Variants in CD99 observed in about 807,000 individuals in gnomAD.
The protein encoded by CD99 is CD99 antigen.
Under a neutral mutation model 28.4 loss-of-function variants are expected in CD99, and 19 were observed. The ratio of observed to expected loss-of-function variants is 0.67; its 90% confidence interval spans 0.47 to 0.98. The LOEUF is 0.98. Among genes scored for constraint, CD99 ranks in the 50% least tolerant of loss-of-function variants. CD99 has a pLI of 0.00. For missense variants in CD99, 283 were observed against 248.8 expected (o/e 1.14, Z -0.92); for synonymous variants, 103 against 92.1 (o/e 1.12, Z -0.67).
chrX:2,699,088 A>C (rs2047714423), intron 1 of CD99, among the ~76,000 whole-genome samples: 1 of 151,070 alleles, frequency 6.6e-6, no homozygotes, highest in Non-Finnish European at 1.5e-5. Context: ...CACCATACCC[A>C]GCTAATCTTT....
At chrX:2,698,091 C>T (rs1339741099) in intron 1 of CD99, among the ~76,000 whole-genome samples, 2 of 151,750 alleles carry the variant, frequency 1.3e-5, no homozygotes, top group Non-Finnish European at 2.9e-5. Flanking sequence ...CTATGGGAAG[C>T]GGTTTCTACT....
At chrX:2,711,412 T>TATATATA (rs780117907) in intron 1 of CD99, among the ~76,000 whole-genome samples, 3 of 86,368 alleles carry the variant, frequency 3.5e-5, no homozygotes, top group African/African-American at 1.5e-4. Context: ...TGTGTGTGTA[T>TATATATA]TATATATATA....
intron 8 of CD99, among the ~76,000 whole-genome samples, chrX:2,736,075 G>C (rs762564769): frequency 6.6e-6 from 1 of 151,766 alleles, no homozygotes; most frequent in East Asian, 1.9e-4. Context: ...GGTGGCGGGC[G>C]CCTGTAGTCC....
In CD99 at chrX:2,692,808, T is replaced by G. The variant is rs1366203261; in HGVS notation, c.67+1381T>G. 3.9e-5 allele frequency among the ~76,000 whole-genome samples: 6 copies of G among 152,246 alleles called. No individual in the cohort carries two copies. In the East Asian group the frequency reaches 9.6e-4, roughly 24 times the overall value. ...AATGCATTCCTTCATCCTTCATGCCTGCCTTCCTTCTTTTGCACCTACTGT... is the reference window on the plus strand; with the variant it reads ...AATGCATTCCTTCATCCTTCATGCCGGCCTTCCTTCTTTTGCACCTACTGT... On this transcript the variant is annotated intron_variant, in intron 1 of 9. Coordinates refer to ENST00000381192, the MANE Select transcript of CD99 (RefSeq NM_002414.5).
At chrX:2,736,043 A>G (rs903292816) in intron 8 of CD99, among the ~76,000 whole-genome samples, 4 of 151,944 alleles carry the variant, frequency 2.6e-5, no homozygotes, top group Non-Finnish European at 5.9e-5. Context: ...TCTACTAAAA[A>G]TACAAAAAAT....
At position 2,740,204 on chromosome X, in the gene CD99, T is replaced by C. The variant is rs189435192; in HGVS notation, c.533-575T>C. Among the ~76,000 whole-genome samples the C allele has an allele frequency of 6.6e-5, 10 of 152,288 alleles. No homozygotes were observed. The East Asian group carries it at 1.5e-3, about 24-fold the overall frequency. On this transcript the variant is annotated intron_variant, in intron 9 of 9. Coordinates refer to ENST00000381192, the MANE Select transcript of CD99 (RefSeq NM_002414.5). Reference sequence around the variant, plus strand: ...ATCTTAAAGAGAAAAGGAAGATTCCTTCTGCCCACTGCAATGAAGTTGTCT... The same window carrying C: ...ATCTTAAAGAGAAAAGGAAGATTCCCTCTGCCCACTGCAATGAAGTTGTCT...
chrX:2,733,479 G>T (rs1403625990), intron 8 of CD99: 1 of 1,216,314 alleles, frequency 8.2e-7, no homozygotes, highest in African/African-American at 1.5e-5. Context: ...CGCTCCCCTC[G>T]CCCTGCTGGC....
intron 4 of CD99, 81 bp downstream of exon 4, chrX:2,719,786 C>T (rs2048908897): frequency 7.0e-7 from 1 of 1,435,556 alleles, no homozygotes; most frequent in East Asian, 2.3e-5. Flanking sequence ...AGAATTCTCC[C>T]ATTTAAATTA....
intron 1 of CD99, among the ~76,000 whole-genome samples, chrX:2,692,681 G>A (rs1236193360): frequency 6.6e-6 from 1 of 152,194 alleles, no homozygotes; most frequent in South Asian, 2.1e-4. Context: ...CTTCTTGCGG[G>A]CAACCTGTCA....
chrX:2,731,361 G>A (rs151259021), intron 8 of CD99, among the ~76,000 whole-genome samples: 8,925 of 152,254 alleles, frequency 0.059, 289 homozygotes, highest in Middle Eastern at 0.099. Context: ...AGGCCAAGGC[G>A]GGTGGATCAC....
chrX:2,705,825 G>T (rs1449042932), intron 1 of CD99, among the ~76,000 whole-genome samples: 1 of 152,108 alleles, frequency 6.6e-6, no homozygotes, highest in Non-Finnish European at 1.5e-5. Flanking sequence ...AGAAAAGTAA[G>T]GGTGTTTTGA....
At chrX:2,711,804 C>G (rs1272309070) in intron 1 of CD99, among the ~76,000 whole-genome samples, 1 of 152,154 alleles carries the variant, frequency 6.6e-6, no homozygotes, top group South Asian at 2.1e-4. Flanking sequence ...CTTTGGGAGG[C>G]TGAGGCAGGT....
rs1302540466 is a variant in CD99, at chrX:2,691,530, G to A, written c.67+103G>A. On this transcript the variant is annotated intron_variant, in intron 1 of 9. Coordinates refer to ENST00000381192, the MANE Select transcript of CD99 (RefSeq NM_002414.5). ...TTGGGGGCGCCCCGCGGGGACACCC[G>A]GAGCCTCCTCCCTGCCCGGCAGGAC... 19 of 1,301,598 alleles carry A rather than the reference G, an allele frequency of 1.5e-5. No individual in the cohort carries two copies. In the Admixed American group the frequency reaches 2.8e-4, roughly 19 times the overall value. 80.6% of individuals were successfully genotyped at this position (1,301,598 alleles called of 1,614,324 possible). A position where few individuals can be genotyped will look rare whatever the true frequency, so the allele number is the denominator to read the frequency against.
intron 1 of CD99, among the ~76,000 whole-genome samples, chrX:2,709,640 C>G (rs1379099688): frequency 6.6e-6 from 1 of 152,132 alleles, no homozygotes; most frequent in Non-Finnish European, 1.5e-5. Flanking sequence ...AATGCATGAG[C>G]ACGCGTATAT....
intron 8 of CD99, among the ~76,000 whole-genome samples, chrX:2,731,756 G>A (rs1443245649): frequency 2.0e-5 from 3 of 152,036 alleles, no homozygotes; most frequent in Non-Finnish European, 4.4e-5. Flanking sequence ...TGAGTCTTCG[G>A]CATCTTTCCA....
At chrX:2,733,384 G>A (rs1225278925) in intron 8 of CD99, 2 of 1,592,740 alleles carry the variant, frequency 1.3e-6, no homozygotes, top group African/African-American at 2.7e-5. Flanking sequence ...GGTGAGCAGA[G>A]AACCCAGCCC....
chrX:2,707,246 C>G (rs993309177), intron 1 of CD99, among the ~76,000 whole-genome samples: 1 of 151,982 alleles, frequency 6.6e-6, no homozygotes, highest in African/African-American at 2.4e-5. Flanking sequence ...AGGAGAATCA[C>G]TTGAACCCAG....
chrX:2,736,595 G>C (rs752484441), intron 8 of CD99, among the ~76,000 whole-genome samples: 73 of 151,772 alleles, frequency 4.8e-4, no homozygotes, highest in South Asian at 2.9e-3. Flanking sequence ...TGGTGGCTCA[G>C]GCCTGTAATC....
chrX:2,733,486 T>G (rs750199448), intron 8 of CD99: 2 of 1,143,482 alleles, frequency 1.7e-6, no homozygotes, highest in South Asian at 2.7e-5. Flanking sequence ...CTCGCCCTGC[T>G]GGCAAATTCC....
Sources: allele counts gnomAD v4.1 joint callset (sites outside exome capture counted in the v4.1 genomes callset), GRCh38; gene constraint gnomAD v4.1.1; transcripts MANE v1.5; gene names NCBI Gene and HGNC (gene_info 2026-07-23, HGNC 2026-07-21).